ARHGEF17: variants seen among roughly 807,000 people sequenced by gnomAD.
The protein encoded by ARHGEF17 is 164 kDa Rho-specific guanine-nucleotide exchange factor.
ARHGEF17 carries 80 observed loss-of-function variants against 174.0 expected under a neutral mutation model. The observed-to-expected ratio is 0.46, with a 90% CI of 0.38 to 0.55. The LOEUF is 0.55. Among genes scored for constraint, ARHGEF17 ranks in the 20% least tolerant of loss-of-function variants. The pLI is 0.00. For missense variants in ARHGEF17, 2,886 were observed against 2,839.7 expected, an observed-to-expected ratio of 1.02 and a Z score of -0.37; for synonymous variants, 1,311 against 1,189.1, an observed-to-expected ratio of 1.10 and a Z score of -2.11.
At chr11:73,338,037 C>T (rs1056081716) in intron 1 of ARHGEF17, among the ~76,000 whole-genome samples, 5 of 152,230 alleles carry the variant, frequency 3.3e-5, no homozygotes, top group African/African-American at 1.2e-4. Context: ...AGCCAGTCCC[C>T]AGGGAGCCCT....
In ARHGEF17 at chr11:73,308,507, T is replaced by G; in HGVS notation, c.-132T>G. 1 of 783,358 alleles carries G rather than the reference T, an allele frequency of 1.3e-6. No individual in the cohort carries two copies. Among genetic ancestry groups the G allele is most frequent in the Non-Finnish European group, 1.8e-6 (1 of 553,132 alleles). 48.5% of individuals were successfully genotyped at this position (783,358 alleles called of 1,614,324 possible). On this transcript the variant is annotated 5_prime_UTR_variant, in exon 1 of 21. Coordinates refer to ENST00000263674, the MANE Select transcript of ARHGEF17 (RefSeq NM_014786.4). ...CGCGGCAGAGAAACCTCTGCTCCGG[T>G]CTCTGCGTCCTCTTCCCACACTCCC...
Position 73,308,756 on chromosome 11 carries a change from C to G in ARHGEF17, c.118C>G (p.Arg40Gly). The G allele has an allele frequency of 1.4e-6, 2 of 1,467,046 alleles. No individual in the cohort carries two copies. Among genetic ancestry groups the G allele is most frequent in the South Asian group, 1.3e-5 (1 of 75,468 alleles). 90.9% of individuals were successfully genotyped at this position (1,467,046 alleles called of 1,614,324 possible). The part of the protein sequence containing the change: ...EEDTDTPGLR[R>G]RASCRPTTAA... ...GGACACGGACACCCCCGGCTTGAGG[C>G]GACGCGCCTCGTGCCGGCCGACCAC... The change falls in exon 1 of 21, where the codon CGA becomes GGA. Residue 40 changes from arginine (R) to glycine (G), a missense_variant. By Grantham distance (125) the Arg-to-Gly change is moderately radical. Transcript: ENST00000263674.
chr11:73,327,096 G>A (rs1295730117), intron 1 of ARHGEF17, among the ~76,000 whole-genome samples: 1 of 152,214 alleles, frequency 6.6e-6, no homozygotes, highest in Non-Finnish European at 1.5e-5. Flanking sequence ...CATCCTTGGT[G>A]CTCCTATGAG....
chr11:73,333,670 C>T (rs916309713), intron 1 of ARHGEF17, among the ~76,000 whole-genome samples: 2 of 152,154 alleles, frequency 1.3e-5, no homozygotes, highest in Admixed American at 1.3e-4. Context: ...AACTTACTCT[C>T]CCCTCAGAGT....
intron 2 of ARHGEF17, chr11:73,347,340 A>G (rs1484022792): frequency 9.4e-6 from 3 of 320,746 alleles, no homozygotes; most frequent in Non-Finnish European, 6.0e-6. Context: ...TGCTGTGTGC[A>G]GGCCCTGTTC....
At chr11:73,361,291 C>G in intron 12 of ARHGEF17, 130 bp downstream of exon 12, 1 of 816,346 alleles carries the variant, frequency 1.2e-6, no homozygotes, top group South Asian at 1.7e-5. Context: ...GAATTCAGCT[C>G]TCTGTACATG....
chr11:73,308,784 C>G lies in ARHGEF17; in HGVS notation c.146C>G (p.Ala49Gly), dbSNP rs1330845427. 5 of 1,410,150 alleles carry G rather than the reference C, an allele frequency of 3.5e-6. No individual in the cohort carries two copies. The highest frequency in any genetic ancestry group is 2.4e-4 in the Middle Eastern group (1 of 4,134). The allele number at this position is 1,410,150 out of a possible 1,614,324, so 87.4% of individuals were successfully genotyped here. A position where few individuals can be genotyped will look rare whatever the true frequency, so the allele number is the denominator to read the frequency against. Reference sequence around the variant, plus strand: ...CGCGCCTCGTGCCGGCCGACCACGGCTGCCCGGGGCCAGCCCTCTCGGCGC... The same window carrying G: ...CGCGCCTCGTGCCGGCCGACCACGGGTGCCCGGGGCCAGCCCTCTCGGCGC... ...RRRASCRPTT[A>G]ARGQPSRRVS... is the part of the protein sequence containing the mutation. The change falls in exon 1 of 21, where the codon GCT becomes GGT. Residue 49 changes from alanine (A) to glycine (G), a missense_variant. Physicochemically the swap from Ala to Gly is moderately conservative, Grantham distance 60. Coordinates refer to ENST00000263674, the MANE Select transcript of ARHGEF17 (RefSeq NM_014786.4).
chr11:73,337,972 C>T (rs1469547323), intron 1 of ARHGEF17, among the ~76,000 whole-genome samples: 1 of 152,200 alleles, frequency 6.6e-6, no homozygotes, highest in African/African-American at 2.4e-5. Context: ...CTCTAAGGAG[C>T]TCTCCTTCCC....
chr11:73,345,626 A>T (rs907053801), intron 1 of ARHGEF17, among the ~76,000 whole-genome samples: 1 of 152,144 alleles, frequency 6.6e-6, no homozygotes, highest in African/African-American at 2.4e-5. Flanking sequence ...ACCCTGAAGG[A>T]CTAGAGGTGG....
chr11:73,364,773 C>T (rs1231387017), intron 18 of ARHGEF17, 173 bp downstream of exon 18: 1 of 773,352 alleles, frequency 1.3e-6, no homozygotes, highest in Admixed American at 3.3e-5. Flanking sequence ...CTCATTTCTT[C>T]TGTAGCTGAT....
chr11:73,351,627 G>T (rs371818347), intron 2 of ARHGEF17, among the ~76,000 whole-genome samples: 1 of 152,036 alleles, frequency 6.6e-6, no homozygotes, highest in African/African-American at 2.4e-5. Context: ...TAGTCCTCAG[G>T]CTGGAGTGCA....
intron 2 of ARHGEF17, among the ~76,000 whole-genome samples, chr11:73,349,653 AC>A (rs1178052400): frequency 6.6e-6 from 1 of 152,132 alleles, no homozygotes; most frequent in Non-Finnish European, 1.5e-5. Flanking sequence ...AAAGGTGATG[AC>A]GGCACCCATG....
Position 73,309,002 on chromosome 11 carries a change from G to A in ARHGEF17, c.364G>A (p.Ala122Thr). 2.1e-6 allele frequency: 3 copies of A among 1,396,460 alleles called. No individual in the cohort carries two copies. Among genetic ancestry groups the A allele is most frequent in the African/African-American group, 1.5e-5 (1 of 65,618 alleles). 86.5% of individuals were successfully genotyped at this position (1,396,460 alleles called of 1,614,324 possible). Residue 122 changes from alanine (A) to threonine (T), a missense_variant, in exon 1 of 21, where the codon GCC becomes ACC. Ala to Thr is a moderately conservative substitution (Grantham distance 58, BLOSUM62 0). Transcript: ENST00000263674. Reference sequence around the variant, plus strand: ...AGCGGCCGAGGGCCCAGCGCGAGGAGCCTGGCCCAGCGTCACCGAGATGCG... The same window carrying A: ...AGCGGCCGAGGGCCCAGCGCGAGGAACCTGGCCCAGCGTCACCGAGATGCG... ...EEAAEGPARG[A>T]WPSVTEMRKL...
chr11:73,308,937 G>A lies in ARHGEF17; in HGVS notation c.299G>A (p.Gly100Glu), dbSNP rs190347430. ...DAPRLDDGSA[G>E]TRDGGVLPAA... ...CCGCGTCTGGACGACGGCTCCGCTG[G>A]GACCCGAGACGGAGGCGTCTTACCC... Residue 100 changes from glycine to glutamate, a missense_variant, in exon 1 of 21, where the codon GGG (glycine) becomes GAG (glutamate). This residue lies in a region of ARHGEF17 where 1,728 missense variants were observed against 1,461.2 expected (regional missense o/e 1.18). Coordinates refer to ENST00000263674, the MANE Select transcript of ARHGEF17 (RefSeq NM_014786.4). The A allele has an allele frequency of 0.019, 25,935 of 1,363,252 alleles. 290 individuals are homozygous for A. The highest frequency in any genetic ancestry group is 0.024 in the Middle Eastern group (101 of 4,238). 84.4% of individuals were successfully genotyped at this position (1,363,252 alleles called of 1,614,324 possible). A position where few individuals can be genotyped will look rare whatever the true frequency, so the allele number is the denominator to read the frequency against.
rs1275940000 is a variant in ARHGEF17 at position 73,311,551 on chromosome 11, G to C, written c.2913G>C (p.Val971=). 6.2e-7 allele frequency: 1 copy of C among 1,613,594 alleles called. No homozygotes were observed. The highest frequency in any genetic ancestry group is 1.1e-5 in the South Asian group (1 of 91,088). The change falls in exon 1 of 21, where the codon GTG becomes GTC. Residue 971 remains valine (V), a synonymous_variant. Coordinates refer to ENST00000263674, the MANE Select transcript of ARHGEF17 (RefSeq NM_014786.4). ...CCGCCACATTTATGCCTATTGTGGT[G>C]CCTGAGCCACCAACTTCTGTTGGTC... ...SVPATFMPIV[V]PEPPTSVGPP...
chr11:73,363,337 G>A lies in ARHGEF17; in HGVS notation c.5128G>A (p.Gly1710Arg), dbSNP rs1865780012. 1.2e-6 allele frequency: 2 copies of A among 1,612,826 alleles called. No individual in the cohort carries two copies. Among genetic ancestry groups the A allele is most frequent in the East Asian group, 2.2e-5 (1 of 44,892 alleles). ...GGPCGTSPMD[G>R]RALRRSSHGS... ...TCCCTGCGGCACCAGCCCAATGGAT[G>A]GGAGAGCCCTTCGCCGCTCCAGCCA... is the stretch of plus-strand genomic sequence containing the variant. The change falls in exon 15 of 21, where the codon GGG becomes AGG. Residue 1710 changes from glycine (G) to arginine (R), a missense_variant. Physicochemically the swap from Gly to Arg is moderately radical, Grantham distance 125 (BLOSUM62 -2). This residue lies in a region of ARHGEF17 where 476 missense variants were observed against 473.1 expected (regional missense o/e 1.01). Coordinates refer to ENST00000263674, the MANE Select transcript of ARHGEF17 (RefSeq NM_014786.4).
At chr11:73,348,730 C>T (rs1283085116) in intron 2 of ARHGEF17, among the ~76,000 whole-genome samples, 1 of 152,058 alleles carries the variant, frequency 6.6e-6, no homozygotes, top group East Asian at 1.9e-4. Flanking sequence ...GTATTTAATA[C>T]CATTGAACTG....
In ARHGEF17 at chr11:73,308,691, T is replaced by C; in HGVS notation, c.53T>C (p.Leu18Pro). The C allele has an allele frequency of 1.3e-6, 2 of 1,520,638 alleles. No individual in the cohort carries two copies. The highest frequency in any genetic ancestry group is 1.8e-6 in the Non-Finnish European group (2 of 1,137,414). 94.2% of individuals were successfully genotyped at this position (1,520,638 alleles called of 1,614,324 possible). The change falls in exon 1 of 21, where the codon CTG becomes CCG. Residue 18 changes from leucine to proline, a missense_variant. Transcript: ENST00000263674. ...PQLYRSVSFK[L>P]LERWSGGPGL... ...CTTTACCGCAGCGTCTCGTTCAAGC[T>C]GCTGGAGCGCTGGAGCGGCGGCCCC...
rs910043519 is a variant in ARHGEF17 at position 73,309,169 on chromosome 11, C to A, written c.531C>A (p.Phe177Leu). ...QPPTPPPRTC[F>L]PLAGLRSARP... is the part of the protein sequence containing the mutation. ...CGACGCCACCCCCTCGGACATGCTT[C>A]CCCCTGGCGGGTCTGCGTTCGGCGC... The change falls in exon 1 of 21, where the codon TTC becomes TTA. Residue 177 changes from phenylalanine to leucine, a missense_variant. Around this residue, in one of 4 missense-constraint regions of ARHGEF17, gnomAD observed 1,728 missense variants for 1,461.2 expected, o/e 1.18. Coordinates refer to ENST00000263674, the MANE Select transcript of ARHGEF17 (RefSeq NM_014786.4). 7 of 1,588,296 alleles carry A rather than the reference C, an allele frequency of 4.4e-6. No individual in the cohort carries two copies. The highest frequency in any genetic ancestry group is 1.1e-5 in the South Asian group (1 of 89,144).
Sources: gnomAD v4.1 joint callset for allele counts (sites outside exome capture counted in the v4.1 genomes callset) on GRCh38, gnomAD v4.1.1 for gene constraint, gnomAD v4.1.1 regional missense constraint, MANE v1.5 for transcripts, NCBI Gene and HGNC (gene_info 2026-07-23, HGNC 2026-07-21) for gene names.